The following NLGN1 variants were observed in gnomAD, a reference collection of about 807,000 sequenced individuals.
NLGN1 encodes neuroligin 1.
NLGN1 carries 12 observed loss-of-function variants against 65.5 expected under a neutral mutation model. The ratio of observed to expected loss-of-function variants is 0.18; its 90% confidence interval spans 0.12 to 0.30. The LOEUF (loss-of-function observed/expected upper bound fraction) is 0.30, where lower values mean the gene tolerates loss of function less well. NLGN1 is among the 10% of genes least tolerant of loss of function. The pLI, the probability that NLGN1 is intolerant of heterozygous loss-of-function variation, is 1.00. For synonymous variants in NLGN1, 350 were observed against 359.5 expected (o/e 0.97, Z 0.30); for missense variants, 750 against 1,007.1 (o/e 0.74, Z 3.46).
rs117073216 is a variant in NLGN1 at position 174,029,793 on chromosome 3, T to C, written c.646+221961T>C. On this transcript the variant is annotated intron_variant, in intron 4 of 6. Coordinates refer to ENST00000457714, the Ensembl canonical transcript of NLGN1. ...TTCTCATAGTAGTGAATGAGTCACATGAGATCTGATGGTTTTATAAATGGG... is the reference window on the plus strand; with the variant it reads ...TTCTCATAGTAGTGAATGAGTCACACGAGATCTGATGGTTTTATAAATGGG... 9.3e-4 allele frequency among the ~76,000 whole-genome samples: 141 copies of C among 152,282 alleles called. 1 individual carries two copies. The East Asian group carries it at 0.023, about 25-fold the overall frequency.
At chr3:173,805,572 T>C (rs1026298336) in intron 3 of NLGN1, among the ~76,000 whole-genome samples, 6 of 152,166 alleles carry the variant, frequency 3.9e-5, no homozygotes, top group Non-Finnish European at 8.8e-5. Flanking sequence ...GTGCCTGTAT[T>C]GTTGTATTGT....
At chr3:173,830,937 A>G (rs1722427098) in intron 4 of NLGN1, among the ~76,000 whole-genome samples, 2 of 152,248 alleles carry the variant, frequency 1.3e-5, no homozygotes, top group African/African-American at 4.8e-5. Flanking sequence ...AGACTAACAC[A>G]GAGTAACATC....
chr3:174,263,505 C>T (rs1366684461), intron 4 of NLGN1, among the ~76,000 whole-genome samples: 2 of 150,222 alleles, frequency 1.3e-5, no homozygotes, highest in African/African-American at 4.9e-5. Context: ...AGGATTGCAA[C>T]CCCTGCCTTT....
At chr3:173,877,859 C>T (rs966496715) in intron 4 of NLGN1, among the ~76,000 whole-genome samples, 7 of 152,038 alleles carry the variant, frequency 4.6e-5, no homozygotes, top group Admixed American at 3.3e-4. Context: ...TTAACATCAC[C>T]ATTTTATAGA....
At chr3:173,908,819 C>G (rs956584611) in intron 4 of NLGN1, among the ~76,000 whole-genome samples, 2 of 152,094 alleles carry the variant, frequency 1.3e-5, no homozygotes, top group Non-Finnish European at 2.9e-5. Flanking sequence ...CGTTATTTTT[C>G]TTTCATTTTG....
chr3:174,194,045 A>G (rs1732900077), intron 4 of NLGN1, among the ~76,000 whole-genome samples: 1 of 152,120 alleles, frequency 6.6e-6, no homozygotes, highest in Non-Finnish European at 1.5e-5. Context: ...TCACTAGATG[A>G]CCATCCTCCT....
chr3:173,710,098 A>G (rs1768718262), intron 3 of NLGN1, among the ~76,000 whole-genome samples: 1 of 152,188 alleles, frequency 6.6e-6, no homozygotes, highest in Admixed American at 6.5e-5. Context: ...GATTCAGTAG[A>G]CACAATTACT....
At chr3:173,872,101 G>A (rs1054583874) in intron 4 of NLGN1, among the ~76,000 whole-genome samples, 2 of 152,166 alleles carry the variant, frequency 1.3e-5, no homozygotes, top group East Asian at 1.9e-4. Flanking sequence ...GAAAGCACGC[G>A]CCTCATGGGC....
At chr3:173,853,982 A>G (rs1276721369) in intron 4 of NLGN1, among the ~76,000 whole-genome samples, 1 of 152,012 alleles carries the variant, frequency 6.6e-6, no homozygotes, top group African/African-American at 2.4e-5. Context: ...TTTGTTCATT[A>G]TATGTAAAAA....
At chr3:173,960,204 A>G (rs1247688263) in intron 4 of NLGN1, among the ~76,000 whole-genome samples, 1 of 152,024 alleles carries the variant, frequency 6.6e-6, no homozygotes, top group Non-Finnish European at 1.5e-5. Flanking sequence ...ATTACTTCCT[A>G]CAATACGGGC....
chr3:173,536,390 G>C (rs1203807626), intron 2 of NLGN1, among the ~76,000 whole-genome samples: 1 of 152,158 alleles, frequency 6.6e-6, no homozygotes, highest in Non-Finnish European at 1.5e-5. Flanking sequence ...TTTGTTCACT[G>C]AGAGTTAATT....
intron 4 of NLGN1, among the ~76,000 whole-genome samples, chr3:174,023,910 T>C (rs1728280648): frequency 6.6e-6 from 1 of 152,058 alleles, no homozygotes; most frequent in Non-Finnish European, 1.5e-5. Context: ...CAATAACACC[T>C]TGGGGGGAGG....
chr3:173,627,413 C>T (rs1754995709), intron 3 of NLGN1, among the ~76,000 whole-genome samples: 1 of 152,012 alleles, frequency 6.6e-6, no homozygotes, highest in Non-Finnish European at 1.5e-5. Flanking sequence ...CACACACACA[C>T]ACATCACTTT....
At chr3:174,113,593 G>T (rs992236659) in intron 4 of NLGN1, among the ~76,000 whole-genome samples, 3 of 151,866 alleles carry the variant, frequency 2.0e-5, no homozygotes, top group African/African-American at 7.3e-5. Context: ...TGCAACAATT[G>T]TTGCCATTCA....
intron 2 of NLGN1, among the ~76,000 whole-genome samples, chr3:173,495,929 C>CT (rs1383585119): frequency 6.6e-6 from 1 of 151,694 alleles, no homozygotes; most frequent in Non-Finnish European, 1.5e-5. Flanking sequence ...TTGTAACTGG[C>CT]TTTTTTATTC....
At chr3:173,967,218 A>G (rs1227512340) in intron 4 of NLGN1, among the ~76,000 whole-genome samples, 1 of 152,156 alleles carries the variant, frequency 6.6e-6, no homozygotes, top group Non-Finnish European at 1.5e-5. Context: ...GAAGTACTCT[A>G]AGGCCTTTAA....
intron 4 of NLGN1, among the ~76,000 whole-genome samples, chr3:174,231,620 A>G (rs555021610): frequency 6.6e-5 from 10 of 152,320 alleles, no homozygotes; most frequent in African/African-American, 2.4e-4. Context: ...CAATGTGGAT[A>G]GGATTTGGTA....
intron 2 of NLGN1, among the ~76,000 whole-genome samples, chr3:173,593,351 T>C (rs1190035302): frequency 6.6e-6 from 1 of 152,188 alleles, no homozygotes; most frequent in African/African-American, 2.4e-5. Flanking sequence ...AATAGTTACT[T>C]TTTTGTCTTC....
At chr3:174,027,059 ATT>A (rs146892272) in intron 4 of NLGN1, among the ~76,000 whole-genome samples, 2 of 130,410 alleles carry the variant, frequency 1.5e-5, no homozygotes, top group Non-Finnish European at 1.6e-5. Context: ...GTCTAGTTCA[ATT>A]TTTTTAAAAA....
Sources: allele counts gnomAD v4.1 joint callset (sites outside exome capture counted in the v4.1 genomes callset), GRCh38; gene constraint gnomAD v4.1.1; transcripts MANE v1.5; gene names NCBI Gene and HGNC (gene_info 2026-07-23, HGNC 2026-07-21).